Variants in CA4 observed in about 807,000 individuals in gnomAD.
The protein encoded by CA4 is carbonic anhydrase 4.
Under a neutral mutation model 34.5 loss-of-function variants are expected in CA4, and 24 were observed. That is an observed-to-expected ratio of 0.70 (90% CI 0.50 to 0.98). The LOEUF is 0.98. CA4 is among the 50% of genes least tolerant of loss of function. The probability of loss-of-function intolerance (pLI) is 0.00; values close to 1 mark genes in which losing one functional copy is unlikely to be tolerated. For missense variants in CA4, 394 were observed against 396.7 expected (o/e 0.99, Z 0.06); for synonymous variants, 178 against 170.6 (o/e 1.04, Z -0.34).
chr17:60,173,015 T>G (rs924621558), downstream of CA4, among the ~76,000 whole-genome samples: 3 of 151,842 alleles, frequency 2.0e-5, no homozygotes, highest in Admixed American at 2.0e-4. Flanking sequence ...TGGTGGCTCA[T>G]GCCTGTAATC....
chr17:60,155,498 T>TACACACACACACACACACACACACACAC (rs3830362), intron 2 of CA4, 131 bp downstream of exon 2: 2 of 570,540 alleles, frequency 3.5e-6, no homozygotes, highest in African/African-American at 4.8e-5. Context: ...GTTCCCAGCA[T>TACACACACACACACACACACACACACAC]ACACACACAC....
chr17:60,154,729 G>C (rs1196100759), intron 1 of CA4, among the ~76,000 whole-genome samples: 2 of 152,228 alleles, frequency 1.3e-5, no homozygotes, highest in African/African-American at 2.4e-5. Flanking sequence ...CTGTGCGGTT[G>C]AGGGGCAGGG....
At chr17:60,152,385 T>C (rs2083607646) in intron 1 of CA4, among the ~76,000 whole-genome samples, 1 of 152,226 alleles carries the variant, frequency 6.6e-6, no homozygotes, top group South Asian at 2.1e-4. Flanking sequence ...TTTTCCTGGC[T>C]GCTGCTTCCT....
At chr17:60,178,343 C>T in the CA4 span, among the ~76,000 whole-genome samples, 2 of 152,218 alleles carry the variant, frequency 1.3e-5, no homozygotes. Context: ...AGCTCCAATG[C>T]CACTTACCTT....
At chr17:60,163,117 C>T (rs1172435292), downstream of CA4, among the ~76,000 whole-genome samples, 1 of 148,890 alleles carries the variant, frequency 6.7e-6, no homozygotes, top group Non-Finnish European at 1.5e-5. Context: ...GCCCTGCTTC[C>T]TGTGGCTCTG....
intron 5 of CA4, among the ~76,000 whole-genome samples, chr17:60,166,727 G>T (rs1006770106): frequency 1.3e-5 from 2 of 152,088 alleles, no homozygotes; most frequent in Non-Finnish European, 2.9e-5. Context: ...AGGCCAAGGG[G>T]GGGGCGGATC....
chr17:60,152,826 G>C (rs1173592122), intron 1 of CA4, among the ~76,000 whole-genome samples: 1 of 152,240 alleles, frequency 6.6e-6, no homozygotes, highest in Non-Finnish European at 1.5e-5. Flanking sequence ...GCACCTGTCA[G>C]AGGCGTTTGA....
downstream of CA4, among the ~76,000 whole-genome samples, chr17:60,159,930 T>C (rs543908992): frequency 6.6e-6 from 1 of 152,250 alleles, no homozygotes; most frequent in South Asian, 2.1e-4. Context: ...ACTTGAGCCC[T>C]GGAGTTCAAG....
chr17:60,173,238 C>T (rs1324357062), downstream of CA4, among the ~76,000 whole-genome samples: 1 of 152,178 alleles, frequency 6.6e-6, no homozygotes, highest in African/African-American at 2.4e-5. Flanking sequence ...AAATGTTTGG[C>T]AACTATCCCA....
In CA4 at chr17:60,166,358, C is replaced by T. The variant is rs544033277; in HGVS notation, c.*179-4193C>T. On this transcript the variant is annotated intron_variant and NMD_transcript_variant, in intron 5 of 5. Coordinates refer to the CA4 transcript ENST00000586876. ...TCCTGAGCTCAGGCAATCCTCTCTCCTCTGTCTCCTAAAGTGCTAGGATTA... is the reference window on the plus strand; with the variant it reads ...TCCTGAGCTCAGGCAATCCTCTCTCTTCTGTCTCCTAAAGTGCTAGGATTA... Among the ~76,000 whole-genome samples the T allele has an allele frequency of 1.1e-3, 170 of 152,308 alleles. 1 individual carries two copies. Among genetic ancestry groups the T allele is most frequent in the African/African-American group, 4.0e-3 (165 of 41,560 alleles).
At chr17:60,155,527 T>A (rs1018563633) in intron 2 of CA4, among the ~76,000 whole-genome samples, 160 bp downstream of exon 2, 173 of 125,266 alleles carry the variant, frequency 1.4e-3, no homozygotes, top group African/African-American at 8.5e-3. Context: ...ACACACACTC[T>A]CTCTCTCTCT....
chr17:60,154,244 G>T (rs890672604), intron 1 of CA4, among the ~76,000 whole-genome samples: 5 of 140,960 alleles, frequency 3.5e-5, no homozygotes, highest in Middle Eastern at 3.5e-3. Flanking sequence ...CCATGGGGTG[G>T]GTGGGAGGGG....
chr17:60,171,784 A>C (rs567783390), downstream of CA4, among the ~76,000 whole-genome samples: 1 of 152,364 alleles, frequency 6.6e-6, no homozygotes, highest in East Asian at 1.9e-4. Flanking sequence ...AATGGCTGGA[A>C]GAAAGGGTCG....
At chr17:60,177,637 T>A in the CA4 span, among the ~76,000 whole-genome samples, 25 of 152,244 alleles carry the variant, frequency 1.6e-4, no homozygotes, top group Non-Finnish European at 3.2e-4. Context: ...CTTGAAACTA[T>A]AAAGTATGCA....
At chr17:60,165,969 T>A (rs2083851758) in intron 5 of CA4, among the ~76,000 whole-genome samples, 1 of 152,094 alleles carries the variant, frequency 6.6e-6, no homozygotes, top group Non-Finnish European at 1.5e-5. Context: ...CCTACCTCCA[T>A]CCCACTTATA....
chr17:60,177,115 T>TC, the CA4 span, among the ~76,000 whole-genome samples: 2 of 152,108 alleles, frequency 1.3e-5, no homozygotes, highest in Non-Finnish European at 2.9e-5. Flanking sequence ...AGATGAAGCA[T>TC]CCCCTCTGTA....
chr17:60,160,265 G>A (rs1028626139), downstream of CA4, among the ~76,000 whole-genome samples: 4 of 152,218 alleles, frequency 2.6e-5, no homozygotes, highest in East Asian at 5.8e-4. Context: ...GGATGGCCTA[G>A]GCAAGGTGGG....
intron 1 of CA4, among the ~76,000 whole-genome samples, chr17:60,153,212 C>T (rs2083621487): frequency 6.6e-6 from 1 of 152,070 alleles, no homozygotes; most frequent in South Asian, 2.1e-4. Context: ...GTGGTACATG[C>T]CTGTAATCCC....
At chr17:60,172,515 CAA>C (rs1281783932), downstream of CA4, among the ~76,000 whole-genome samples, 1 of 152,152 alleles carries the variant, frequency 6.6e-6, no homozygotes. Flanking sequence ...GAAATTACAG[CAA>C]ACAGAACTTA....
Sources: allele counts gnomAD v4.1 joint callset (sites outside exome capture counted in the v4.1 genomes callset), GRCh38; gene constraint gnomAD v4.1.1; transcripts MANE v1.5; gene names NCBI Gene and HGNC (gene_info 2026-07-23, HGNC 2026-07-21).